Variants in CR2 observed in about 807,000 individuals in gnomAD.
The protein encoded by CR2 is complement C3d receptor 2.
Under a neutral mutation model 123.0 loss-of-function variants are expected in CR2, and 96 were observed. The observed-to-expected ratio is 0.78, with a 90% confidence interval of 0.66 to 0.93. CR2 has a LOEUF of 0.93. Among genes scored for constraint, CR2 ranks in the 40% least tolerant of loss-of-function variants. The pLI, the probability that CR2 is intolerant of heterozygous loss-of-function variation, is 0.00. For synonymous variants in CR2, 484 were observed against 469.5 expected, an observed-to-expected ratio of 1.03 and a Z score of -0.40; for missense variants, 1,258 against 1,361.0, an observed-to-expected ratio of 0.92 and a Z score of 1.19.
intron 16 of CR2, among the ~76,000 whole-genome samples, chr1:207,478,968 TTTTTTGTTTTTGTTTTTG>T (rs61547182): frequency 1.3e-5 from 2 of 150,730 alleles, no homozygotes; most frequent in East Asian, 1.9e-4. Context: ...TTATCTGTTG[TTTTTTGTTTTTGTTTTTG>T]TTTTTGTTTT....
At chr1:207,468,180 A>G (rs929290940) in intron 2 of CR2, 4 of 321,452 alleles carry the variant, frequency 1.2e-5, no homozygotes, top group Admixed American at 9.6e-5. Flanking sequence ...GTTAATACCA[A>G]CTGGCTACCA....
rs534076542 is a variant in CR2 at position 207,486,625 on chromosome 1, G to A, written c.*18+1053G>A. ...GTGGAAGATGGGAGTCAATGAGGAG[G>A]CTGCTGCAATCATCCAGGCAAGAAA... is the stretch of plus-strand genomic sequence containing the variant. On this transcript the variant is annotated intron_variant, in intron 19 of 19. Coordinates refer to ENST00000367057, the MANE Select transcript of CR2 (RefSeq NM_001006658.3). 1.9e-4 allele frequency among the ~76,000 whole-genome samples: 29 copies of A among 152,308 alleles called. No homozygotes were observed. In the South Asian group the frequency reaches 5.8e-3, roughly 30 times the overall value.
chr1:207,476,878 A>G (rs1658456203), intron 15 of CR2, among the ~76,000 whole-genome samples: 1 of 152,264 alleles, frequency 6.6e-6, no homozygotes, highest in Admixed American at 6.5e-5. Context: ...CTAGTAAATT[A>G]GTGTCTAGTA....
At chr1:207,460,730 C>T (rs977658093) in intron 1 of CR2, among the ~76,000 whole-genome samples, 1 of 152,032 alleles carries the variant, frequency 6.6e-6, no homozygotes. Context: ...TCTTACCTAT[C>T]TCCTAGAATA....
chr1:207,460,798 G>C (rs1558187046), intron 1 of CR2, among the ~76,000 whole-genome samples: 2 of 151,906 alleles, frequency 1.3e-5, no homozygotes, highest in Admixed American at 1.3e-4. Flanking sequence ...AATCTGTGTT[G>C]AAATGACTGT....
intron 14 of CR2, 89 bp downstream of exon 14, chr1:207,475,305 A>T: frequency 7.0e-7 from 1 of 1,421,462 alleles, no homozygotes; most frequent in South Asian, 1.2e-5. Context: ...CTGCCTAAAG[A>T]AAAGCATCTA....
intron 15 of CR2, 126 bp from the exon 16 acceptor site, chr1:207,477,759 G>A: frequency 1.3e-6 from 1 of 768,036 alleles, no homozygotes. Context: ...TCCTATTTCA[G>A]TGCAGCTTTC....
In CR2 at chr1:207,454,801, C is replaced by G. The variant is rs1233314954; in HGVS notation, c.58+325C>G. On this transcript the variant is annotated intron_variant, in intron 1 of 19. Transcript: ENST00000367057. The surrounding 1 kb of genome is among the most constrained non-coding windows in gnomAD (Gnocchi z 4.3). ...CCCCCAGGATTCTGCAGGTGCTCAT[C>G]GCTCTCTGGCCGGCGGTCAGCGCTA... The G allele has an allele frequency of 3.2e-6, 1 of 314,016 alleles. No individual in the cohort carries two copies. The highest frequency in any genetic ancestry group is 6.0e-5 in the East Asian group (1 of 16,756). 19.5% of individuals were successfully genotyped at this position (314,016 alleles called of 1,614,324 possible). A position where few individuals can be genotyped will look rare whatever the true frequency, so the allele number is the denominator to read the frequency against.
chr1:207,474,503 G>A (rs899504243), intron 13 of CR2, among the ~76,000 whole-genome samples, 180 bp downstream of exon 13: 2 of 152,082 alleles, frequency 1.3e-5, no homozygotes, highest in Non-Finnish European at 2.9e-5. Flanking sequence ...TGTCAAGTAG[G>A]AACTGTTTTT....
In CR2 at chr1:207,474,825, T is replaced by C. The variant is rs1370486053; in HGVS notation, c.2325T>C (p.Val775=). The change falls in exon 14 of 20, where the codon GTT becomes GTC. Residue 775 remains valine (V), a splice_region_variant and synonymous_variant. Transcript: ENST00000367057. ...IWFKKIPLCK[V]IHCHPPPVIV... The stretch of plus-strand genomic sequence containing the variant: ...GAACTCCCTAAATCTCTTCTGCAGT[T>C]ATTCACTGTCACCCTCCACCAGTGA... The C allele has an allele frequency of 6.2e-7, 1 of 1,613,978 alleles. No individual in the cohort carries two copies. The highest frequency in any genetic ancestry group is 1.7e-5 in the Admixed American group (1 of 60,006).
Position 207,454,472 on chromosome 1 carries a change from C to A in CR2, c.54C>A (p.Val18=). The change falls in exon 1 of 20, where the codon GTC becomes GTA. Residue 18 remains valine (V), a synonymous_variant. Coordinates refer to ENST00000367057, the MANE Select transcript of CR2 (RefSeq NM_001006658.3). This position sits in a 1 kb window ranked among gnomAD's most constrained non-coding sequence, Gnocchi z 4.3. ...GVFLALVAPG[V]LGISCGSPPP... ...TCTTGGCTCTCGTCGCACCGGGGGT[C>A]CTCGGTGAGCTGGGAGGGGGAGCAC... is the stretch of plus-strand genomic sequence containing the variant. 6.4e-7 allele frequency: 1 copy of A among 1,567,036 alleles called. No homozygotes were observed. Among genetic ancestry groups the A allele is most frequent in the Admixed American group, 1.7e-5 (1 of 57,366 alleles).
intron 19 of CR2, among the ~76,000 whole-genome samples, chr1:207,488,637 TA>T (rs1273252418): frequency 2.6e-5 from 4 of 152,008 alleles, no homozygotes; most frequent in African/African-American, 4.8e-5. Flanking sequence ...TAAAATAAAA[TA>T]AAAAATATAC....
intron 1 of CR2, among the ~76,000 whole-genome samples, chr1:207,456,430 A>G (rs1004556312): frequency 3.9e-5 from 6 of 152,238 alleles, no homozygotes; most frequent in African/African-American, 1.4e-4. Context: ...GTTTGGAGTT[A>G]GCACAGGAAA....
intron 14 of CR2, among the ~76,000 whole-genome samples, chr1:207,475,736 T>C (rs1214226870): frequency 6.6e-6 from 1 of 152,188 alleles, no homozygotes; most frequent in Non-Finnish European, 1.5e-5. Context: ...AGCACAGTAA[T>C]CTTAAGTGAA....
At chr1:207,471,734 A>G (rs1466262456) in intron 9 of CR2, 1 of 456,674 alleles carries the variant, frequency 2.2e-6, no homozygotes, top group Non-Finnish European at 4.1e-6. Flanking sequence ...GATTATGGGA[A>G]TAATGACAGC....
In CR2 at chr1:207,478,968, T is replaced by TTTTTTG. The variant is rs61547182; in HGVS notation, c.3089-260_3089-255dup. ...TCCAATACATCTTTTTTATCTGTTG[T>TTTTTTG]TTTTTGTTTTTGTTTTTGTTTTTGT... is the stretch of plus-strand genomic sequence containing the variant. On this transcript the variant is annotated intron_variant, in intron 16 of 19. Coordinates refer to ENST00000367057, the MANE Select transcript of CR2 (RefSeq NM_001006658.3). 1.0e-3 allele frequency among the ~76,000 whole-genome samples: 154 copies of TTTTTTG among 150,848 alleles called. 1 individual carries two copies. The highest frequency in any genetic ancestry group is 3.3e-3 in the East Asian group (17 of 5,160).
At chr1:207,458,151 A>G (rs1206728662) in intron 1 of CR2, among the ~76,000 whole-genome samples, 1 of 148,920 alleles carries the variant, frequency 6.7e-6, no homozygotes, top group African/African-American at 2.5e-5. Flanking sequence ...TCAATTGTGT[A>G]GCCCAAGTCA....
intron 9 of CR2, 42 bp from the exon 10 acceptor site, chr1:207,472,730 A>G (rs374016275): frequency 6.6e-5 from 105 of 1,598,132 alleles, no homozygotes; most frequent in Non-Finnish European, 8.4e-5. Flanking sequence ...TTTGGTGTCT[A>G]ATACAGGAAC....
rs1282362435 is a variant in CR2 at position 207,472,858 on chromosome 1, A to C, written c.1657A>C (p.Thr553Pro). 1.2e-6 allele frequency: 2 copies of C among 1,614,074 alleles called. No homozygotes were observed. The highest frequency in any genetic ancestry group is 2.2e-5 in the South Asian group (2 of 91,088). Reference protein sequence around the residue: ...LEDFPYGTTVTYTCNPGPERG... With the variant: ...LEDFPYGTTVPYTCNPGPERG... ...AGATTTTCCATATGGAACCACGGTCACTTACACATGTAACCCTGGGCCAGA... is the reference window on the plus strand; with the variant it reads ...AGATTTTCCATATGGAACCACGGTCCCTTACACATGTAACCCTGGGCCAGA... Residue 553 changes from threonine to proline, a missense_variant, in exon 10 of 20, where the codon ACT becomes CCT. By Grantham distance (38) the Thr-to-Pro change is conservative (BLOSUM62 -1). Transcript: ENST00000367057.
Sources: gnomAD v4.1 joint callset for allele counts (sites outside exome capture counted in the v4.1 genomes callset) on GRCh38, gnomAD v4.1.1 for gene constraint, Gnocchi (gnomAD v3.1) non-coding constraint, MANE v1.5 for transcripts, NCBI Gene and HGNC (gene_info 2026-07-23, HGNC 2026-07-21) for gene names.